Variants in GRB2 observed in about 807,000 individuals in gnomAD.
The protein encoded by GRB2 is growth factor receptor-bound protein 2.
A neutral mutation model predicts 27.4 loss-of-function variants in GRB2; 2 were observed. The ratio of observed to expected loss-of-function variants is 0.07; its 90% CI spans 0.03 to 0.23. GRB2 has a LOEUF of 0.23. Ranked by LOEUF, GRB2 falls within the 10% of genes least tolerant of loss-of-function variation. The probability of loss-of-function intolerance (pLI) is 1.00; values close to 1 mark genes in which losing one functional copy is unlikely to be tolerated. For missense variants in GRB2, 102 were observed against 282.4 expected, an observed-to-expected ratio of 0.36 and a Z score of 4.58; for synonymous variants, 94 against 99.6, an observed-to-expected ratio of 0.94 and a Z score of 0.33.
At chr17:75,349,124 G>A (rs532933603) in intron 2 of GRB2, among the ~76,000 whole-genome samples, 1 of 152,228 alleles carries the variant, frequency 6.6e-6, no homozygotes, top group Admixed American at 6.5e-5. Context: ...AGAGGGTATA[G>A]TAAGCAAAGT....
rs185651234 is a variant in GRB2, at chr17:75,399,126, C to T, written c.-137-5361G>A. Among the ~76,000 whole-genome samples the T allele has an allele frequency of 2.0e-4, 30 of 152,224 alleles. No individual in the cohort carries two copies. The East Asian group carries it at 5.8e-3, about 29-fold the overall frequency. The stretch of plus-strand genomic sequence containing the variant: ...GCAGTGGAGCAATCATGGTTCACTT[C>T]AGCCTCAAACTCCTTGGCTCAAGCC... On this transcript the variant is annotated intron_variant, in intron 1 of 5. Coordinates refer to ENST00000316804, the MANE Select transcript of GRB2 (RefSeq NM_002086.5).
intron 2 of GRB2, among the ~76,000 whole-genome samples, chr17:75,342,585 T>C (rs1310494299): frequency 2.6e-5 from 4 of 152,128 alleles, no homozygotes; most frequent in African/African-American, 9.7e-5. Context: ...ACATTCTTGG[T>C]GATAAACAAG....
chr17:75,387,924 G>A (rs564980067), intron 2 of GRB2: 2 of 152,278 alleles, frequency 1.3e-5, no homozygotes, highest in Admixed American at 6.5e-5. Context: ...TCTCCAAACA[G>A]GAGGAAGAAT....
chr17:75,399,619 G>C (rs2079051117), intron 1 of GRB2, among the ~76,000 whole-genome samples: 1 of 151,644 alleles, frequency 6.6e-6, no homozygotes, highest in Non-Finnish European at 1.5e-5. Flanking sequence ...ACCCGCCTTG[G>C]CCTCCCAAAG....
intron 2 of GRB2, among the ~76,000 whole-genome samples, chr17:75,390,953 C>T (rs764946476): frequency 7.2e-5 from 11 of 152,168 alleles, no homozygotes; most frequent in Admixed American, 1.3e-4. Context: ...TTTTGGCTTA[C>T]AACTAATACC....
intron 2 of GRB2, among the ~76,000 whole-genome samples, chr17:75,367,920 T>C (rs1402026835): frequency 3.3e-5 from 5 of 152,100 alleles, no homozygotes; most frequent in Non-Finnish European, 7.4e-5. Flanking sequence ...TCTCACTCTG[T>C]AACTGAGGCT....
intron 2 of GRB2, among the ~76,000 whole-genome samples, chr17:75,345,863 C>G (rs1420084229): frequency 2.6e-5 from 4 of 152,124 alleles, no homozygotes; most frequent in Admixed American, 2.0e-4. Flanking sequence ...GAAAGCCTCC[C>G]CAAGCCAGTG....
At chr17:75,323,153 G>A (rs2078472142) in intron 4 of GRB2, among the ~76,000 whole-genome samples, 1 of 147,980 alleles carries the variant, frequency 6.8e-6, no homozygotes, top group East Asian at 2.0e-4. Context: ...GGCATTCTCT[G>A]AGAGTGCTTG....
chr17:75,400,985 C>T lies in GRB2; in HGVS notation c.-138+4504G>A, dbSNP rs373298300. ...TATCAATTTTTTTTTTTTTTTGAGACGGAGTCTTGCTCTGTCGCCCAGGCT... is the reference window on the plus strand; with the variant it reads ...TATCAATTTTTTTTTTTTTTTGAGATGGAGTCTTGCTCTGTCGCCCAGGCT... On this transcript the variant is annotated intron_variant, in intron 1 of 5. Transcript: ENST00000316804. Among the ~76,000 whole-genome samples, 10 of 147,552 alleles carry T rather than the reference C, an allele frequency of 6.8e-5. No individual in the cohort carries two copies. The East Asian group carries it at 1.6e-3, about 24-fold the overall frequency.
intron 1 of GRB2, among the ~76,000 whole-genome samples, chr17:75,397,895 G>A (rs2079038532): frequency 6.6e-6 from 1 of 151,834 alleles, no homozygotes; most frequent in Admixed American, 6.6e-5. Flanking sequence ...AGGCTGGACT[G>A]CAGTGTCACG....
Position 75,334,729 on chromosome 17 carries a change from CAGG to C in GRB2, c.79-1935_79-1933del, listed in dbSNP as rs532710429. On this transcript the variant is annotated intron_variant, in intron 2 of 5. Coordinates refer to ENST00000316804, the MANE Select transcript of GRB2 (RefSeq NM_002086.5). ...CTAAGGTGGGAAGACTGCTTTAGCC[CAGG>C]AGTTTAGGACCAGCCTGGGCAACAT... 3.9e-3 allele frequency among the ~76,000 whole-genome samples: 595 copies of C among 152,218 alleles called. 1 individual carries two copies. The highest frequency in any genetic ancestry group is 0.014 in the African/African-American group (569 of 41,520).
chr17:75,358,899 T>TTATA (rs1555611090), intron 2 of GRB2, among the ~76,000 whole-genome samples: 19 of 77,512 alleles, frequency 2.5e-4, no homozygotes, highest in Admixed American at 7.0e-4. Flanking sequence ...AAAAAAAAAA[T>TTATA]TATATATATA....
intron 2 of GRB2, among the ~76,000 whole-genome samples, chr17:75,365,476 T>C (rs1212411897): frequency 6.6e-6 from 1 of 152,208 alleles, no homozygotes; most frequent in Non-Finnish European, 1.5e-5. Context: ...TTTGCATTTT[T>C]AATAAAAGTG....
chr17:75,350,825 G>A (rs1199735565), intron 2 of GRB2, among the ~76,000 whole-genome samples: 2 of 152,148 alleles, frequency 1.3e-5, no homozygotes, highest in African/African-American at 4.8e-5. Flanking sequence ...GAAACCCTCA[G>A]TGTAAGTAGG....
intron 2 of GRB2, chr17:75,373,150 A>G (rs2017925): frequency 0.66 from 100,517 of 152,076 alleles, 38,202 homozygotes; most frequent in East Asian, 0.91. Flanking sequence ...GGGAGGCTGA[A>G]GAAGGAGAAT....
chr17:75,343,354 C>T (rs894916953), intron 2 of GRB2, among the ~76,000 whole-genome samples: 1 of 152,052 alleles, frequency 6.6e-6, no homozygotes, highest in Non-Finnish European at 1.5e-5. Flanking sequence ...TTTTGATTCA[C>T]CCACTGACCA....
chr17:75,382,684 A>G (rs925847032), intron 2 of GRB2, among the ~76,000 whole-genome samples: 1 of 149,346 alleles, frequency 6.7e-6, no homozygotes, highest in Non-Finnish European at 1.5e-5. Flanking sequence ...ACTAAGCATT[A>G]TCTATGGCAT....
At chr17:75,324,986 G>A (rs2078489003) in intron 4 of GRB2, among the ~76,000 whole-genome samples, 1 of 152,188 alleles carries the variant, frequency 6.6e-6, no homozygotes, top group Non-Finnish European at 1.5e-5. Context: ...GGGGCAGGGA[G>A]AACTGCTTGA....
chr17:75,339,366 T>C (rs1319067426), intron 2 of GRB2, among the ~76,000 whole-genome samples: 1 of 151,748 alleles, frequency 6.6e-6, no homozygotes, highest in Non-Finnish European at 1.5e-5. Flanking sequence ...GCTATTTTTT[T>C]GTATTTTTAG....
Sources: allele counts gnomAD v4.1 joint callset (sites outside exome capture counted in the v4.1 genomes callset), GRCh38; gene constraint gnomAD v4.1.1; transcripts MANE v1.5; gene names NCBI Gene and HGNC (gene_info 2026-07-23, HGNC 2026-07-21).